The following TDRD9 variants were observed in gnomAD, a reference collection of about 807,000 sequenced individuals.
The protein encoded by TDRD9 is ATP-dependent RNA helicase TDRD9.
A neutral mutation model predicts 172.6 loss-of-function variants in TDRD9; 124 were observed. That is an observed-to-expected ratio of 0.72 (90% CI 0.62 to 0.83). The LOEUF (loss-of-function observed/expected upper bound fraction) is 0.83. Among genes scored for constraint, TDRD9 ranks in the 40% least tolerant of loss-of-function variants. The pLI is 0.00. For synonymous variants in TDRD9, 619 were observed against 617.1 expected (o/e 1.00, Z -0.05); for missense variants, 1,479 against 1,714.1 (o/e 0.86, Z 2.42).
At chr14:103,985,346 T>C (rs1222087983) in intron 7 of TDRD9, among the ~76,000 whole-genome samples, 1 of 152,212 alleles carries the variant, frequency 6.6e-6, no homozygotes, top group East Asian at 1.9e-4. Context: ...TGTGCTGTTC[T>C]TATGATAGTG....
intron 1 of TDRD9, among the ~76,000 whole-genome samples, chr14:103,951,841 A>C (rs1425070089): frequency 6.6e-6 from 1 of 150,660 alleles, no homozygotes; most frequent in Admixed American, 6.6e-5. Flanking sequence ...ATCTCGGCTC[A>C]CTGCAAGCTC....
In TDRD9 at chr14:104,038,927, C is replaced by T. The variant is rs148017901; in HGVS notation, c.3717-1269C>T. On this transcript the variant is annotated intron_variant, in intron 32 of 35. Transcript: ENST00000409874. The stretch of plus-strand genomic sequence containing the variant: ...TCAAGTGATCTGCCCACTTCAGCCT[C>T]CCAAAGTGCTGGGATTACAGGCGTG... 7.9e-5 allele frequency among the ~76,000 whole-genome samples: 12 copies of T among 152,324 alleles called. No homozygotes were observed. The East Asian group carries it at 2.1e-3, about 27-fold the overall frequency.
At chr14:104,026,551 A>G in intron 27 of TDRD9, 128 bp from the exon 28 acceptor site, 1 of 1,075,054 alleles carries the variant, frequency 9.3e-7, no homozygotes, top group Non-Finnish European at 1.3e-6. Flanking sequence ...CCCCAACATT[A>G]GTTTTATTGG....
chr14:103,936,665 A>G (rs766141516), intron 1 of TDRD9, among the ~76,000 whole-genome samples: 1 of 152,172 alleles, frequency 6.6e-6, no homozygotes, highest in Non-Finnish European at 1.5e-5. Flanking sequence ...TCTAGACCAA[A>G]CCACTGCTGT....
intron 1 of TDRD9, among the ~76,000 whole-genome samples, chr14:103,936,489 A>G (rs756262397): frequency 9.9e-5 from 15 of 152,204 alleles, no homozygotes; most frequent in Non-Finnish European, 1.5e-4. Flanking sequence ...TGATTGAATC[A>G]TAAATCTCTG....
intron 23 of TDRD9, among the ~76,000 whole-genome samples, chr14:104,019,125 T>G (rs986484330): frequency 1.3e-5 from 2 of 152,336 alleles, no homozygotes; most frequent in Non-Finnish European, 2.9e-5. Context: ...TAGTCACATA[T>G]ATAAAGTAAC....
intron 23 of TDRD9, among the ~76,000 whole-genome samples, chr14:104,020,955 G>C (rs1288903957): frequency 6.6e-6 from 1 of 152,062 alleles, no homozygotes; most frequent in Non-Finnish European, 1.5e-5. Flanking sequence ...ATGGGCTGGG[G>C]CAAGAGAGGG....
chr14:103,948,888 C>CAAAAAAA (rs57817688), intron 1 of TDRD9, among the ~76,000 whole-genome samples: 2 of 114,638 alleles, frequency 1.7e-5, no homozygotes, highest in Admixed American at 1.0e-4. Flanking sequence ...GACTCCATCT[C>CAAAAAAA]AAAAAAAAAA....
chr14:103,975,403 G>A lies in TDRD9; in HGVS notation c.861G>A (p.Ser287=), dbSNP rs895475142. The change falls in exon 7 of 36, where the codon TCG becomes TCA. Residue 287 remains serine (S), a synonymous_variant. Transcript: ENST00000409874. ...TTACTCTGTAGGTGGTCCTGATGTC[G>A]GCTACCATCAGCTGTAAAGAGTTTG... ...NSRFVKVVLM[S]ATISCKEFAD... is the part of the protein sequence containing the mutation. 1.4e-5 allele frequency: 23 copies of A among 1,612,550 alleles called. No individual in the cohort carries two copies. The highest frequency in any genetic ancestry group is 2.7e-5 in the African/African-American group (2 of 74,952).
At chr14:103,958,194 A>G (rs560471679) in intron 2 of TDRD9, among the ~76,000 whole-genome samples, 3 of 152,314 alleles carry the variant, frequency 2.0e-5, no homozygotes, top group African/African-American at 4.8e-5. Flanking sequence ...AGCCAGCTCT[A>G]TGGGGGTGTA....
rs76558986 is a variant in TDRD9, at chr14:103,943,038, G to T, written c.216-12626G>T. Among the ~76,000 whole-genome samples the T allele has an allele frequency of 1.1e-4, 17 of 151,510 alleles. No individual in the cohort carries two copies. The South Asian group carries it at 1.5e-3, about 13-fold the overall frequency. On this transcript the variant is annotated intron_variant, in intron 1 of 35. Coordinates refer to ENST00000409874, the MANE Select transcript of TDRD9 (RefSeq NM_153046.3). ...AATTCATCGTAGAAAAATCATTTTC[G>T]TGTTTTTTTTTTGGAGCTGAGGATG...
At chr14:103,971,006 C>T (rs1445140539) in intron 6 of TDRD9, among the ~76,000 whole-genome samples, 73 of 150,152 alleles carry the variant, frequency 4.9e-4, no homozygotes, top group African/African-American at 7.6e-4. Context: ...TTTTTTGAGA[C>T]GGAGTCTAGC....
intron 22 of TDRD9, among the ~76,000 whole-genome samples, chr14:104,016,479 A>AC (rs1479305330): frequency 6.6e-6 from 1 of 152,138 alleles, no homozygotes; most frequent in Non-Finnish European, 1.5e-5. Context: ...TAAGCCAGTG[A>AC]CCCCCCGACC....
At chr14:103,937,837 G>T (rs1400825011) in intron 1 of TDRD9, among the ~76,000 whole-genome samples, 1 of 150,692 alleles carries the variant, frequency 6.6e-6, no homozygotes, top group Non-Finnish European at 1.5e-5. Flanking sequence ...TATGACTTTG[G>T]TTTTGAACAT....
At chr14:103,977,228 A>T (rs2033280088) in intron 7 of TDRD9, among the ~76,000 whole-genome samples, 1 of 151,100 alleles carries the variant, frequency 6.6e-6, no homozygotes, top group Admixed American at 6.6e-5. Flanking sequence ...GCGGTGGCTT[A>T]TGTCTGTAAT....
intron 23 of TDRD9, among the ~76,000 whole-genome samples, chr14:104,021,563 C>G (rs986006386): frequency 4.6e-5 from 7 of 152,078 alleles, no homozygotes; most frequent in Admixed American, 4.6e-4. Flanking sequence ...CGTGGTGGCA[C>G]ACGCCTGCAG....
chr14:104,000,071 T>A lies in TDRD9; in HGVS notation c.1483+1343T>A, dbSNP rs543881620. Among the ~76,000 whole-genome samples, 60 of 152,264 alleles carry A rather than the reference T, an allele frequency of 3.9e-4. 2 individuals carry two copies. The highest frequency in any genetic ancestry group is 1.3e-3 in the African/African-American group (56 of 41,534). ...GGCCAGGTGCGGTGACTTACACCTGTAATCCCAGCACTTTGGGAGACTGAG... is the reference window on the plus strand; with the variant it reads ...GGCCAGGTGCGGTGACTTACACCTGAAATCCCAGCACTTTGGGAGACTGAG... On this transcript the variant is annotated intron_variant, in intron 13 of 35. Coordinates refer to ENST00000409874, the MANE Select transcript of TDRD9 (RefSeq NM_153046.3).
chr14:104,023,645 A>G (rs932216674), intron 24 of TDRD9, among the ~76,000 whole-genome samples: 1 of 152,262 alleles, frequency 6.6e-6, no homozygotes, highest in Non-Finnish European at 1.5e-5. Context: ...CCTTTTGGCC[A>G]TATCCCCATA....
chr14:103,961,578 AAAAG>A (rs1436895415), intron 2 of TDRD9, among the ~76,000 whole-genome samples: 1 of 151,240 alleles, frequency 6.6e-6, no homozygotes, highest in Non-Finnish European at 1.5e-5. Flanking sequence ...AGAAAAAAGA[AAAAG>A]AAAAAAGGAA....
Sources: gnomAD v4.1 joint callset for allele counts (sites outside exome capture counted in the v4.1 genomes callset) on GRCh38, gnomAD v4.1.1 for gene constraint, MANE v1.5 for transcripts, NCBI Gene and HGNC (gene_info 2026-07-23, HGNC 2026-07-21) for gene names.